The following SEC11C variants were observed in gnomAD, a reference collection of about 807,000 sequenced individuals.
The protein encoded by SEC11C is signal peptidase complex catalytic subunit SEC11C.
SEC11C carries 10 observed loss-of-function variants against 21.9 expected under a neutral mutation model. That is an observed-to-expected ratio of 0.46 (90% CI 0.28 to 0.77). SEC11C has a LOEUF of 0.77. Ranked by LOEUF, SEC11C falls within the 30% of genes least tolerant of loss-of-function variation. The pLI, the probability that SEC11C is intolerant of heterozygous loss-of-function variation, is 0.12. For synonymous variants in SEC11C, 83 were observed against 85.6 expected (o/e 0.97, Z 0.17); for missense variants, 145 against 244.5 (o/e 0.59, Z 2.71).
chr18:59,155,130 T>C (rs1260801733), intron 3 of SEC11C, among the ~76,000 whole-genome samples: 1 of 152,152 alleles, frequency 6.6e-6, no homozygotes, highest in Non-Finnish European at 1.5e-5. Flanking sequence ...ATGAAAACAG[T>C]TCAAGTCCAA....
At chr18:59,142,095 T>C (rs2069217775) in intron 1 of SEC11C, among the ~76,000 whole-genome samples, 1 of 152,190 alleles carries the variant, frequency 6.6e-6, no homozygotes, top group South Asian at 2.1e-4. Context: ...TGTCAGTAGT[T>C]CAATCAAAAT....
In SEC11C at chr18:59,145,540, G is replaced by T. The variant is rs2069264111; in HGVS notation, c.88-3973G>T. ...GTGGAAGCATGGACAGATACCACCA[G>T]TGCAGCTGGGGTGAGGCGAGCTTCA... On this transcript the variant is annotated intron_variant, in intron 1 of 5. Transcript: ENST00000587834. 1.3e-5 allele frequency among the ~76,000 whole-genome samples: 2 copies of T among 152,210 alleles called. 1 individual carries two copies. The highest frequency in any genetic ancestry group is 2.9e-5 in the Non-Finnish European group (2 of 68,040).
intron 1 of SEC11C, among the ~76,000 whole-genome samples, chr18:59,144,127 TACAGGCATGAGCC>T (rs1034391793): frequency 2.0e-5 from 3 of 152,194 alleles, no homozygotes; most frequent in African/African-American, 7.2e-5. Flanking sequence ...GTGCTGGGAT[TACAGGCATGAGCC>T]ACACTGCACC....
At chr18:59,155,865 A>C in intron 4 of SEC11C, 58 bp downstream of exon 4, 7 of 1,581,684 alleles carry the variant, frequency 4.4e-6, no homozygotes, top group Non-Finnish European at 4.3e-6. Flanking sequence ...GAAATGAAGA[A>C]ATTAAATCAA....
chr18:59,143,367 A>G (rs1168078623), intron 1 of SEC11C, among the ~76,000 whole-genome samples: 1 of 151,294 alleles, frequency 6.6e-6, no homozygotes, highest in South Asian at 2.1e-4. Flanking sequence ...AAAAAAAAAA[A>G]AAAAAAAAGT....
intron 1 of SEC11C, among the ~76,000 whole-genome samples, chr18:59,148,435 A>G (rs1179618011): frequency 2.0e-5 from 3 of 152,208 alleles, no homozygotes; most frequent in Non-Finnish European, 4.4e-5. Flanking sequence ...TGGCAGGTGC[A>G]GCAGGCAGCT....
chr18:59,152,497 A>G, intron 2 of SEC11C, 39 bp from the exon 3 acceptor site: 5 of 1,546,884 alleles, frequency 3.2e-6, no homozygotes, highest in Non-Finnish European at 4.3e-6. Flanking sequence ...CCTTTTGGAC[A>G]CAGGGTAATG....
At position 59,150,756 on chromosome 18, in the gene SEC11C, AAAG is replaced by A. The variant is rs1394304079; in HGVS notation, c.197+1143_197+1145del. 1.7e-4 allele frequency among the ~76,000 whole-genome samples: 25 copies of A among 150,082 alleles called. No individual in the cohort carries two copies. In the South Asian group the frequency reaches 5.1e-3, roughly 30 times the overall value. On this transcript the variant is annotated intron_variant, in intron 2 of 5. Coordinates refer to ENST00000587834, the MANE Select transcript of SEC11C (RefSeq NM_033280.4). Reference sequence around the variant, plus strand: ...AGGATTTTAAGGCTTTTTTTTTTTTAAAGAAGAAGAAATTTAAAACCTCAAATT... The same window carrying A: ...AGGATTTTAAGGCTTTTTTTTTTTTAAAGAAGAAATTTAAAACCTCAAATT...
Position 59,158,675 on chromosome 18 carries a change from G to C in SEC11C, c.569G>C (p.Arg190Pro). 3 of 1,613,194 alleles carry C rather than the reference G, an allele frequency of 1.9e-6. No homozygotes were observed. The highest frequency in any genetic ancestry group is 2.5e-6 in the Non-Finnish European group (3 of 1,179,274). Reference protein sequence around the residue: ...AVMGAYVLLKRES With the variant: ...AVMGAYVLLKPES ...ATGGGTGCATATGTGTTACTAAAAC[G>C]TGAATCCTAAAATGAGAAGCAGTTC... The change falls in exon 6 of 6, where the codon CGT (arginine) becomes CCT (proline). Residue 190 changes from arginine (R) to proline (P), a missense_variant. Arg to Pro is a moderately radical substitution (Grantham distance 103, BLOSUM62 -2). Transcript: ENST00000587834.
intron 4 of SEC11C, 46 bp from the exon 5 acceptor site, chr18:59,157,562 G>A (rs549016599): frequency 8.4e-6 from 11 of 1,302,564 alleles, no homozygotes; most frequent in East Asian, 6.9e-5. Flanking sequence ...CCATCATCAT[G>A]TTATAAGCAG....
chr18:59,152,678 C>A lies in SEC11C; in HGVS notation c.340C>A (p.His114Asn). ...IPIVHRVIKVHEKDNGDIKFL... is the reference protein window; with the variant it reads ...IPIVHRVIKVNEKDNGDIKFL... ...AATAGTTCACAGAGTAATCAAAGTT[C>A]ATGAAAAGTAAAGAGGCTTTATTTC... The change falls in exon 3 of 6, where the codon CAT becomes AAT. Residue 114 changes from histidine (H) to asparagine (N), a missense_variant. His to Asn is a moderately conservative substitution (Grantham distance 68). Coordinates refer to ENST00000587834, the MANE Select transcript of SEC11C (RefSeq NM_033280.4). The A allele has an allele frequency of 1.3e-6, 2 of 1,592,522 alleles. No individual in the cohort carries two copies. The highest frequency in any genetic ancestry group is 1.7e-6 in the Non-Finnish European group (2 of 1,173,850).
Position 59,157,606 on chromosome 18 carries a change from AG to A in SEC11C, c.468del. The A allele has an allele frequency of 6.2e-7, 1 of 1,602,184 alleles. No individual in the cohort carries two copies. Among genetic ancestry groups the A allele is most frequent in the Non-Finnish European group, 8.6e-7 (1 of 1,169,450 alleles). On this transcript the variant is annotated splice_acceptor_variant, in intron 4 of 5. Transcript: ENST00000587834. LOFTEE classifies it high-confidence loss of function. Reference sequence around the variant, plus strand: ...TCTCTTGCTTTTTATCCCACAATTTAGGTTTTTACCATATGTTGGTATGGTC... The same window carrying A: ...TCTCTTGCTTTTTATCCCACAATTTAGTTTTTACCATATGTTGGTATGGTC...
chr18:59,142,202 A>G (rs899867100), intron 1 of SEC11C, among the ~76,000 whole-genome samples: 2 of 152,118 alleles, frequency 1.3e-5, no homozygotes, highest in Non-Finnish European at 2.9e-5. Context: ...TCTTAGTTTG[A>G]TTTTTATATT....
In SEC11C at chr18:59,139,948, T is replaced by C; in HGVS notation, c.-1T>C. The C allele has an allele frequency of 1.3e-6, 2 of 1,581,940 alleles. No individual in the cohort carries two copies. The highest frequency in any genetic ancestry group is 1.7e-6 in the Non-Finnish European group (2 of 1,162,648). On this transcript the variant is annotated 5_prime_UTR_variant, in exon 1 of 6. Coordinates refer to ENST00000587834, the MANE Select transcript of SEC11C (RefSeq NM_033280.4). Reference sequence around the variant, plus strand: ...GCCGCTAGGTCCCCGGAGACCCTGCTATGGTGCGTGCGGGCGCCGTGGGGG... The same window carrying C: ...GCCGCTAGGTCCCCGGAGACCCTGCCATGGTGCGTGCGGGCGCCGTGGGGG...
At chr18:59,145,887 C>CCT (rs1183567744) in intron 1 of SEC11C, among the ~76,000 whole-genome samples, 1 of 152,148 alleles carries the variant, frequency 6.6e-6, no homozygotes, top group Non-Finnish European at 1.5e-5. Flanking sequence ...GCATGCTGCA[C>CCT]AGGTTTCTAG....
Position 59,152,553 on chromosome 18 carries a change from C to G in SEC11C, c.215C>G (p.Ala72Gly). ...CTTTCCAGTGGCAGTATGGAGCCGG[C>G]CTTTCACAGAGGAGACCTCCTGTTC... ...VVVLSGSMEP[A>G]FHRGDLLFLT... The change falls in exon 3 of 6, where the codon GCC becomes GGC. Residue 72 changes from alanine to glycine, a missense_variant. Ala to Gly is a moderately conservative substitution (Grantham distance 60). Coordinates refer to ENST00000587834, the MANE Select transcript of SEC11C (RefSeq NM_033280.4). 9 of 1,605,306 alleles carry G rather than the reference C, an allele frequency of 5.6e-6. No individual in the cohort carries two copies. Among genetic ancestry groups the G allele is most frequent in the Non-Finnish European group, 7.6e-6 (9 of 1,177,544 alleles).
Position 59,140,008 on chromosome 18 carries a change from G to A in SEC11C, c.60G>A (p.Gly20=), listed in dbSNP as rs779120011. The change falls in exon 1 of 6, where the codon GGG becomes GGA. Residue 20 remains glycine, a synonymous_variant. Transcript: ENST00000587834. ...CCGCGTCCGGCTTGGATATCTTCGGGGACCTGAAGAAGATGAACAAGCGCC... is the reference window on the plus strand; with the variant it reads ...CCGCGTCCGGCTTGGATATCTTCGGAGACCTGAAGAAGATGAACAAGCGCC... ...HLPASGLDIF[G]DLKKMNKRQL... 1 of 1,592,116 alleles carries A rather than the reference G, an allele frequency of 6.3e-7. No individual in the cohort carries two copies. Among genetic ancestry groups the A allele is most frequent in the South Asian group, 1.1e-5 (1 of 88,904 alleles).
chr18:59,143,589 G>C (rs968823783), intron 1 of SEC11C, among the ~76,000 whole-genome samples: 1 of 152,066 alleles, frequency 6.6e-6, no homozygotes, highest in African/African-American at 2.4e-5. Flanking sequence ...TTTCAGAATA[G>C]AGAATAGTTT....
chr18:59,145,047 T>G (rs937494760), intron 1 of SEC11C, among the ~76,000 whole-genome samples: 1 of 152,198 alleles, frequency 6.6e-6, no homozygotes, highest in Non-Finnish European at 1.5e-5. Context: ...TGATCCCTAC[T>G]TTTGTGGAAT....
Sources: gnomAD v4.1 joint callset for allele counts (sites outside exome capture counted in the v4.1 genomes callset) on GRCh38, gnomAD v4.1.1 for gene constraint, MANE v1.5 for transcripts, NCBI Gene and HGNC (gene_info 2026-07-23, HGNC 2026-07-21) for gene names.